HDAC9: variants seen among roughly 807,000 people sequenced by gnomAD.
HDAC9 encodes histone deacetylase 9, also known as MEF-2 interacting transcription repressor (MITR) protein.
Under a neutral mutation model 139.4 loss-of-function variants are expected in HDAC9, and 41 were observed. That is an observed-to-expected ratio of 0.29 (90% CI 0.23 to 0.38). HDAC9 has a LOEUF of 0.38. HDAC9 is among the 10% of genes least tolerant of loss of function. The probability of loss-of-function intolerance (pLI) is 1.00; values close to 1 mark genes in which losing one functional copy is unlikely to be tolerated. For synonymous variants in HDAC9, 517 were observed against 476.2 expected, an observed-to-expected ratio of 1.09 and a Z score of -1.12; for missense variants, 1,147 against 1,297.0, an observed-to-expected ratio of 0.88 and a Z score of 1.78.
At chr7:18,864,563 A>C (rs1308662331) in intron 21 of HDAC9, among the ~76,000 whole-genome samples, 1 of 151,986 alleles carries the variant, frequency 6.6e-6, no homozygotes, top group East Asian at 1.9e-4. Flanking sequence ...TTATACCCTT[A>C]ACAGTTGTTT....
At chr7:18,376,179 A>G (rs1472841160) in intron 1 of HDAC9, among the ~76,000 whole-genome samples, 1 of 152,142 alleles carries the variant, frequency 6.6e-6, no homozygotes, top group African/African-American at 2.4e-5. Flanking sequence ...GTGAAAGGCA[A>G]TGATTAGAGC....
intron 1 of HDAC9, among the ~76,000 whole-genome samples, chr7:18,441,521 G>C (rs946906422): frequency 2.0e-5 from 3 of 152,028 alleles, no homozygotes; most frequent in African/African-American, 7.2e-5. Flanking sequence ...ACACTTGCTT[G>C]GAAATAACAT....
At chr7:18,832,624 G>C (rs1396840389) in intron 19 of HDAC9, among the ~76,000 whole-genome samples, 4 of 151,794 alleles carry the variant, frequency 2.6e-5, no homozygotes, top group Admixed American at 2.6e-4. Flanking sequence ...TCTTATCTTA[G>C]TTTATTATAT....
intron 22 of HDAC9, among the ~76,000 whole-genome samples, chr7:18,891,073 G>A (rs937673396): frequency 2.0e-4 from 31 of 152,152 alleles, no homozygotes; most frequent in African/African-American, 7.0e-4. Flanking sequence ...CTCAGATTCA[G>A]AATGAGCTGC....
chr7:18,977,011 T>C (rs1372677196), intron 25 of HDAC9, among the ~76,000 whole-genome samples: 1 of 152,236 alleles, frequency 6.6e-6, no homozygotes, highest in African/African-American at 2.4e-5. Context: ...GGATTTAACA[T>C]CTTGTTTTGG....
chr7:18,134,878 G>A (rs1785279483), intron 1 of HDAC9, among the ~76,000 whole-genome samples: 1 of 152,110 alleles, frequency 6.6e-6, no homozygotes, highest in African/African-American at 2.4e-5. Context: ...ATTGCCATTT[G>A]TTTTTATGCA....
At chr7:18,153,402 T>A (rs1444931084) in intron 1 of HDAC9, among the ~76,000 whole-genome samples, 2 of 152,156 alleles carry the variant, frequency 1.3e-5, no homozygotes, top group African/African-American at 4.8e-5. Flanking sequence ...ATATACACCC[T>A]ATGTAAATGA....
rs113674144 is a variant in HDAC9, at chr7:18,588,168, G to A, written c.265-2168G>A. Among the ~76,000 whole-genome samples the A allele has an allele frequency of 3.2e-3, 488 of 152,272 alleles. 5 individuals carry two copies. Among genetic ancestry groups the A allele is most frequent in the African/African-American group, 0.011 (465 of 41,560 alleles). On this transcript the variant is annotated intron_variant, in intron 3 of 25. Coordinates refer to ENST00000686413, the MANE Select transcript of HDAC9 (RefSeq NM_178425.4). The stretch of plus-strand genomic sequence containing the variant: ...GGTTGATATACAGAGTTAGCTTCCT[G>A]TTGCTCCAGAGTGACTCTGATGCCA...
intron 23 of HDAC9, chr7:18,949,304 G>T: frequency 4.4e-6 from 1 of 227,650 alleles, no homozygotes; most frequent in Non-Finnish European, 8.7e-6. Context: ...CTTTTTTTCT[G>T]TGGAACCTCA....
rs142408515 is a variant in HDAC9, at chr7:18,364,878, C to T, written c.-42+74363C>T. The stretch of plus-strand genomic sequence containing the variant: ...TCAAAAATTAATCAGGGTGAAAAAA[C>T]GTTAGATAATACCTTTAAAATGTAG... On this transcript the variant is annotated intron_variant, in intron 1 of 3. Coordinates refer to the HDAC9 transcript ENST00000413509. Among the ~76,000 whole-genome samples the T allele has an allele frequency of 8.1e-3, 1,234 of 152,116 alleles. 10 individuals carry two copies. The highest frequency in any genetic ancestry group is 0.02 in the African/African-American group (812 of 41,522).
chr7:18,089,653 T>C (rs894492641), intron 1 of HDAC9, among the ~76,000 whole-genome samples: 9 of 152,146 alleles, frequency 5.9e-5, no homozygotes, highest in Non-Finnish European at 1.2e-4. Flanking sequence ...CCTTTCTTTT[T>C]ATTAGAATTA....
intron 1 of HDAC9, among the ~76,000 whole-genome samples, chr7:18,341,834 A>G (rs1562895973): frequency 6.6e-6 from 1 of 151,738 alleles, no homozygotes; most frequent in Non-Finnish European, 1.5e-5. Flanking sequence ...TGGGTCTTGA[A>G]AAATTTTTTG....
intron 2 of HDAC9, among the ~76,000 whole-genome samples, chr7:18,508,322 T>G (rs978048085): frequency 3.9e-5 from 6 of 152,136 alleles, no homozygotes; most frequent in African/African-American, 1.4e-4. Flanking sequence ...AACGTTTAAT[T>G]TGGTCTAAGT....
chr7:18,835,909 G>A lies in HDAC9; in HGVS notation c.2596G>A (p.Gly866Ser). The change falls in exon 21 of 26, where the codon GGC becomes AGC. Residue 866 changes from glycine to serine, a missense_variant. Gly to Ser is a moderately conservative substitution (Grantham distance 56). Coordinates refer to ENST00000686413, the MANE Select transcript of HDAC9 (RefSeq NM_178425.4). ...GSGAPNEVGT[G>S]LGEGYNINIA... Reference sequence around the variant, plus strand: ...GTCTTTCTCTTCCCAGGTTGGAACAGGCCTTGGAGAAGGGTACAATATAAA... The same window carrying A: ...GTCTTTCTCTTCCCAGGTTGGAACAAGCCTTGGAGAAGGGTACAATATAAA... The A allele has an allele frequency of 6.4e-7, 1 of 1,555,956 alleles. No individual in the cohort carries two copies. The highest frequency in any genetic ancestry group is 8.7e-7 in the Non-Finnish European group (1 of 1,148,290).
chr7:18,388,567 T>C (rs1786163387), intron 1 of HDAC9, among the ~76,000 whole-genome samples: 1 of 152,236 alleles, frequency 6.6e-6, no homozygotes, highest in Non-Finnish European at 1.5e-5. Flanking sequence ...TAACAGGTTC[T>C]GATATATTGC....
chr7:18,258,546 T>G (rs562433097), intron 2 of HDAC9, among the ~76,000 whole-genome samples: 74 of 152,278 alleles, frequency 4.9e-4, no homozygotes, highest in African/African-American at 1.7e-3. Context: ...GTAAACAAGT[T>G]GAGGGAAGGA....
At chr7:18,297,316 C>A (rs115661349) in intron 1 of HDAC9, among the ~76,000 whole-genome samples, 114 of 152,160 alleles carry the variant, frequency 7.5e-4, no homozygotes, top group African/African-American at 2.5e-3. Context: ...GCTGTCTTTA[C>A]AATATATGTT....
rs1030589298 is a variant in HDAC9, at chr7:18,234,539, A to G, written c.25+72190A>G. Among the ~76,000 whole-genome samples the G allele has an allele frequency of 4.6e-5, 7 of 152,188 alleles. No individual in the cohort carries two copies. The East Asian group carries it at 1.2e-3, about 25-fold the overall frequency. On this transcript the variant is annotated intron_variant, in intron 2 of 12. Coordinates refer to the HDAC9 transcript ENST00000417496. ...TGCTCAGGCACTGAGTATTATATGT[A>G]CAACTCATTTAATATGCCATCGTTT...
At chr7:18,962,659 A>G (rs1184316755) in intron 24 of HDAC9, among the ~76,000 whole-genome samples, 2 of 152,194 alleles carry the variant, frequency 1.3e-5, no homozygotes, top group Non-Finnish European at 2.9e-5. Context: ...ATACTTTGTG[A>G]TCACATACTC....
Sources: allele counts gnomAD v4.1 joint callset (sites outside exome capture counted in the v4.1 genomes callset), GRCh38; gene constraint gnomAD v4.1.1; transcripts MANE v1.5; gene names NCBI Gene and HGNC (gene_info 2026-07-23, HGNC 2026-07-21).